The following CBL variants were observed in gnomAD, a reference collection of about 807,000 sequenced individuals.
The protein encoded by CBL is Cbl proto-oncogene, also known as E3 ubiquitin-protein ligase CBL.
Under a neutral mutation model 96.9 loss-of-function variants are expected in CBL, and 45 were observed. The ratio of observed to expected loss-of-function variants is 0.46; its 90% CI spans 0.37 to 0.60. The LOEUF is 0.60. Ranked by LOEUF, CBL falls within the 20% of genes least tolerant of loss-of-function variation. The pLI, the probability that CBL is intolerant of heterozygous loss-of-function variation, is 0.00. For missense variants in CBL, 1,024 were observed against 1,143.5 expected (o/e 0.90, Z 1.51); for synonymous variants, 420 against 426.8 (o/e 0.98, Z 0.20).
intron 11 of CBL, among the ~76,000 whole-genome samples, chr11:119,285,770 C>G (rs541538013): frequency 6.6e-6 from 1 of 152,060 alleles, no homozygotes; most frequent in Admixed American, 6.6e-5. Context: ...GTGGCACTTG[C>G]CTGTAATTCC....
intron 2 of CBL, among the ~76,000 whole-genome samples, chr11:119,250,839 T>G (rs1352711106): frequency 6.6e-6 from 1 of 152,088 alleles, no homozygotes; most frequent in Non-Finnish European, 1.5e-5. Context: ...TAATTCCAGC[T>G]ACTCAAGGGG....
chr11:119,248,836 C>T (rs979049671), intron 2 of CBL, among the ~76,000 whole-genome samples: 3 of 152,178 alleles, frequency 2.0e-5, no homozygotes, highest in African/African-American at 7.2e-5. Flanking sequence ...ATAGATTTTT[C>T]TTCAGAGAAG....
At chr11:119,255,215 G>T (rs1218934118) in intron 2 of CBL, among the ~76,000 whole-genome samples, 1 of 152,150 alleles carries the variant, frequency 6.6e-6, no homozygotes, top group Non-Finnish European at 1.5e-5. Context: ...CCTAGAGACT[G>T]TGTGGAGCTT....
intron 12 of CBL, among the ~76,000 whole-genome samples, chr11:119,290,660 T>A (rs983444497): frequency 6.7e-6 from 1 of 149,254 alleles, no homozygotes; most frequent in Admixed American, 6.7e-5. Flanking sequence ...ACAGCATCTA[T>A]TTTTGTTTTG....
intron 2 of CBL, among the ~76,000 whole-genome samples, chr11:119,235,134 G>A (rs576694459): frequency 4.0e-5 from 6 of 151,618 alleles, no homozygotes; most frequent in African/African-American, 1.2e-4. Flanking sequence ...TTTTTTTTGA[G>A]ATGGAGTCTC....
chr11:119,217,236 C>A (rs1453505024), intron 1 of CBL, among the ~76,000 whole-genome samples: 1 of 152,144 alleles, frequency 6.6e-6, no homozygotes, highest in Non-Finnish European at 1.5e-5. Flanking sequence ...TCCTGCTCAG[C>A]CTCCCGAGTA....
At chr11:119,277,241 G>GCA (rs59099916) in intron 6 of CBL, among the ~76,000 whole-genome samples, 2,971 of 146,446 alleles carry the variant, frequency 0.02, 42 homozygotes, top group Non-Finnish European at 0.022. Context: ...AATCTGTCGC[G>GCA]CACACACACA....
chr11:119,265,420 C>G (rs763953851), intron 2 of CBL, among the ~76,000 whole-genome samples: 1 of 152,142 alleles, frequency 6.6e-6, no homozygotes, highest in African/African-American at 2.4e-5. Flanking sequence ...TTTTCTAGCC[C>G]TGTATAGGGT....
At chr11:119,260,808 T>C (rs1949748344) in intron 2 of CBL, among the ~76,000 whole-genome samples, 1 of 152,156 alleles carries the variant, frequency 6.6e-6, no homozygotes, top group South Asian at 2.1e-4. Context: ...GTTTCTTCTT[T>C]CATTCACCTT....
rs1191199201 is a variant in CBL, at chr11:119,277,630, G to C, written c.1008-127G>C. 16 of 686,114 alleles carry C rather than the reference G, an allele frequency of 2.3e-5. No homozygotes were observed. The East Asian group carries it at 3.8e-4, about 16-fold the overall frequency. The allele number at this position is 686,114 out of a possible 1,614,324, so 42.5% of individuals were successfully genotyped here. On this transcript the variant is annotated intron_variant, in intron 6 of 15. Coordinates refer to ENST00000264033, the MANE Select transcript of CBL (RefSeq NM_005188.4). ...TGGAAGTATTTTTTTTTTGAAGTAA[G>C]ATTGATCTTTATACTTACACCACGT...
rs1207797869 is a variant in CBL at position 119,301,779 on chromosome 11, A to G, written c.*1998A>G. ...GTAGAGTGGGGCAGAGGAAGATGGC[A>G]GTGAATATCAAACAGTAGACCGCCA... On this transcript the variant is annotated 3_prime_UTR_variant, in exon 16 of 16. Transcript: ENST00000264033. 1 of 233,176 alleles carries G rather than the reference A, an allele frequency of 4.3e-6. No homozygotes were observed. The highest frequency in any genetic ancestry group is 8.5e-6 in the Non-Finnish European group (1 of 118,050). 14.4% of individuals were successfully genotyped at this position (233,176 alleles called of 1,614,324 possible). A position where few individuals can be genotyped will look rare whatever the true frequency, so the allele number is the denominator to read the frequency against.
At chr11:119,211,923 T>A (rs1254971030) in intron 1 of CBL, among the ~76,000 whole-genome samples, 1 of 152,134 alleles carries the variant, frequency 6.6e-6, no homozygotes, top group Non-Finnish European at 1.5e-5. Context: ...TATTTTATTT[T>A]TTTTATTATT....
chr11:119,295,129 C>T (rs1359938651), intron 12 of CBL, among the ~76,000 whole-genome samples: 1 of 152,164 alleles, frequency 6.6e-6, no homozygotes, highest in Non-Finnish European at 1.5e-5. Flanking sequence ...ACCTCTAAGG[C>T]ACTTGGGGAC....
At chr11:119,220,958 A>G (rs1949403070) in intron 1 of CBL, among the ~76,000 whole-genome samples, 1 of 152,060 alleles carries the variant, frequency 6.6e-6, no homozygotes, top group African/African-American at 2.4e-5. Flanking sequence ...AAAAAAAAGT[A>G]TAGGTGGCCG....
At chr11:119,224,972 T>A (rs1175070343) in intron 1 of CBL, among the ~76,000 whole-genome samples, 1 of 152,022 alleles carries the variant, frequency 6.6e-6, no homozygotes, top group Admixed American at 6.6e-5. Flanking sequence ...TTCAAACCCA[T>A]GTTGTTGAAG....
At chr11:119,269,913 C>T (rs1177303271) in intron 2 of CBL, among the ~76,000 whole-genome samples, 4 of 152,074 alleles carry the variant, frequency 2.6e-5, no homozygotes, top group East Asian at 3.9e-4. Context: ...AGGAGAATGG[C>T]GTGAACCCGG....
At chr11:119,206,672 A>T in intron 1 of CBL, 60 bp downstream of exon 1, 5 of 1,145,186 alleles carry the variant, frequency 4.4e-6, no homozygotes, top group East Asian at 6.3e-5. Context: ...GGCCGCGGGG[A>T]GGGGAACGAG....
intron 2 of CBL, among the ~76,000 whole-genome samples, chr11:119,249,873 C>CA (rs1949658567): frequency 6.6e-6 from 1 of 152,032 alleles, no homozygotes; most frequent in Admixed American, 6.6e-5. Context: ...AGGCTGGTCT[C>CA]AAACTCCTGG....
intron 1 of CBL, 85 bp downstream of exon 1, chr11:119,206,697 G>A (rs963319181): frequency 3.4e-5 from 48 of 1,410,002 alleles, no homozygotes; most frequent in Admixed American, 1.5e-4. Flanking sequence ...CGGAGGAAGC[G>A]GGGGAGGGGA....
Sources: gnomAD v4.1 joint callset for allele counts (sites outside exome capture counted in the v4.1 genomes callset) on GRCh38, gnomAD v4.1.1 for gene constraint, MANE v1.5 for transcripts, NCBI Gene and HGNC (gene_info 2026-07-23, HGNC 2026-07-21) for gene names.